Variants in CDH13 observed in about 807,000 individuals in gnomAD.
CDH13 encodes cadherin 13.
A neutral mutation model predicts 63.8 loss-of-function variants in CDH13; 24 were observed. The ratio of observed to expected loss-of-function variants is 0.38; its 90% confidence interval spans 0.27 to 0.53. The LOEUF is 0.53. Ranked by LOEUF, CDH13 falls within the 20% of genes least tolerant of loss-of-function variation. CDH13 has a pLI of 0.85. For missense variants in CDH13, 1,049 were observed against 903.1 expected, an observed-to-expected ratio of 1.16 and a Z score of -2.07; for synonymous variants, 503 against 355.3, an observed-to-expected ratio of 1.42 and a Z score of -4.67.
intron 11 of CDH13, among the ~76,000 whole-genome samples, chr16:83,774,268 C>T (rs1914956808): frequency 6.6e-6 from 1 of 152,180 alleles, no homozygotes; most frequent in African/African-American, 2.4e-5. Context: ...CTTGGGTACC[C>T]AGCCTGACTA....
At chr16:83,563,076 A>G (rs2075735881) in intron 7 of CDH13, among the ~76,000 whole-genome samples, 1 of 152,222 alleles carries the variant, frequency 6.6e-6, no homozygotes, top group South Asian at 2.1e-4. Context: ...GATCAGAAGT[A>G]CAGAGTAAGT....
At chr16:83,627,765 A>G (rs1412677300) in intron 8 of CDH13, among the ~76,000 whole-genome samples, 1 of 152,166 alleles carries the variant, frequency 6.6e-6, no homozygotes, top group Non-Finnish European at 1.5e-5. Flanking sequence ...CTTACACAAG[A>G]AAGAATTCGA....
rs976364697 is a variant in CDH13 at position 83,313,229 on chromosome 16, T to G, written c.637-31633T>G. Reference sequence around the variant, plus strand: ...CTTTCTTAAGGGGGAGTCTTTGAATTCTGAGTGACTGGCAGATTTCACAGC... The same window carrying G: ...CTTTCTTAAGGGGGAGTCTTTGAATGCTGAGTGACTGGCAGATTTCACAGC... On this transcript the variant is annotated intron_variant, in intron 5 of 13. Transcript: ENST00000567109. Among the ~76,000 whole-genome samples the G allele has an allele frequency of 5.3e-5, 8 of 152,202 alleles. No homozygotes were observed. In the East Asian group the frequency reaches 5.8e-4, roughly 11 times the overall value.
chr16:82,670,491 G>A lies in CDH13; in HGVS notation c.45+43354G>A, dbSNP rs144832931. ...TAAAAGCTCACATGTAGAAGGAAGT[G>A]TGGGTTTATGGGTAGGGTGACCATG... On this transcript the variant is annotated intron_variant, in intron 1 of 13. Coordinates refer to ENST00000567109, the MANE Select transcript of CDH13 (RefSeq NM_001257.5). Among the ~76,000 whole-genome samples the A allele has an allele frequency of 3.5e-3, 535 of 152,328 alleles. 1 individual carries two copies. Among genetic ancestry groups the A allele is most frequent in the Non-Finnish European group, 5.9e-3 (398 of 68,028 alleles).
intron 2 of CDH13, among the ~76,000 whole-genome samples, chr16:82,882,887 C>G (rs538445719): frequency 1.1e-4 from 17 of 152,130 alleles, no homozygotes; most frequent in Non-Finnish European, 2.2e-4. Flanking sequence ...CTATGATTTT[C>G]TTAAAATGGA....
chr16:82,718,943 C>A (rs751831544), intron 1 of CDH13, among the ~76,000 whole-genome samples: 1 of 152,110 alleles, frequency 6.6e-6, no homozygotes, highest in Non-Finnish European at 1.5e-5. Flanking sequence ...ACCTGAGAGC[C>A]ATTTGGTGCG....
chr16:83,119,830 A>T (rs1259071159), intron 3 of CDH13, among the ~76,000 whole-genome samples: 1 of 152,234 alleles, frequency 6.6e-6, no homozygotes, highest in Non-Finnish European at 1.5e-5. Context: ...TCATTAGCAC[A>T]GACTCGATCA....
intron 5 of CDH13, among the ~76,000 whole-genome samples, chr16:83,329,828 C>T (rs868356179): frequency 1.8e-4 from 27 of 152,142 alleles, no homozygotes; most frequent in African/African-American, 6.5e-4. Flanking sequence ...CTTCAAGGTT[C>T]ACTTATATTG....
intron 1 of CDH13, among the ~76,000 whole-genome samples, chr16:82,831,173 A>C (rs2038524530): frequency 6.6e-6 from 1 of 152,162 alleles, no homozygotes; most frequent in African/African-American, 2.4e-5. Context: ...ACAAGATTCC[A>C]GATGATTTGC....
intron 6 of CDH13, among the ~76,000 whole-genome samples, chr16:83,377,609 A>C (rs1189198920): frequency 6.6e-6 from 1 of 152,212 alleles, no homozygotes; most frequent in Non-Finnish European, 1.5e-5. Flanking sequence ...CCATAAATGT[A>C]AAAATAAAGC....
intron 11 of CDH13, among the ~76,000 whole-genome samples, chr16:83,768,148 T>C (rs1914523864): frequency 6.6e-6 from 1 of 152,206 alleles, no homozygotes. Context: ...TATATGTCTT[T>C]CTAATTTTTC....
At chr16:83,039,739 A>G (rs1427414407) in intron 3 of CDH13, among the ~76,000 whole-genome samples, 1 of 152,006 alleles carries the variant, frequency 6.6e-6, no homozygotes, top group African/African-American at 2.4e-5. Flanking sequence ...CTCACACCCT[A>G]CATTGAACTC....
intron 8 of CDH13, among the ~76,000 whole-genome samples, chr16:83,665,026 A>T (rs1295047879): frequency 6.6e-6 from 1 of 152,158 alleles, no homozygotes; most frequent in Non-Finnish European, 1.5e-5. Flanking sequence ...CCATGAGATA[A>T]ATCCTAATCA....
intron 1 of CDH13, among the ~76,000 whole-genome samples, chr16:82,831,720 C>G (rs1350235844): frequency 6.6e-6 from 1 of 152,198 alleles, no homozygotes; most frequent in African/African-American, 2.4e-5. Flanking sequence ...CCACATTGTT[C>G]CATGGGGCCA....
At chr16:83,118,582 G>A (rs1009674924) in intron 3 of CDH13, among the ~76,000 whole-genome samples, 1 of 152,140 alleles carries the variant, frequency 6.6e-6, no homozygotes, top group Non-Finnish European at 1.5e-5. Flanking sequence ...AGACTGAGTG[G>A]CTCACCCTCA....
At chr16:82,775,832 A>G (rs1236903435) in intron 1 of CDH13, among the ~76,000 whole-genome samples, 2 of 152,138 alleles carry the variant, frequency 1.3e-5, no homozygotes, top group African/African-American at 2.4e-5. Flanking sequence ...TCCTTTTCCT[A>G]TTCTGAAACT....
intron 2 of CDH13, among the ~76,000 whole-genome samples, chr16:82,963,207 C>G (rs996995996): frequency 7.1e-6 from 1 of 141,410 alleles, no homozygotes; most frequent in Non-Finnish European, 1.5e-5. Flanking sequence ...CCCATCTCTA[C>G]TAAAAATACA....
At chr16:83,157,320 A>G (rs1223886807) in intron 4 of CDH13, among the ~76,000 whole-genome samples, 2 of 152,170 alleles carry the variant, frequency 1.3e-5, no homozygotes, top group Admixed American at 1.3e-4. Flanking sequence ...GTAGTGAACC[A>G]TGTGCCTACC....
chr16:83,246,730 G>C (rs988514512), intron 5 of CDH13, among the ~76,000 whole-genome samples: 16 of 152,138 alleles, frequency 1.1e-4, no homozygotes, highest in African/African-American at 3.6e-4. Flanking sequence ...CGGTGTTGCT[G>C]CCAGAAGCTT....
Sources: allele counts gnomAD v4.1 joint callset (sites outside exome capture counted in the v4.1 genomes callset), GRCh38; gene constraint gnomAD v4.1.1; transcripts MANE v1.5; gene names NCBI Gene and HGNC (gene_info 2026-07-23, HGNC 2026-07-21).